The following STUM variants were observed in gnomAD, a reference collection of about 807,000 sequenced individuals.
STUM encodes protein stum homolog.
In STUM, 8 loss-of-function variants were observed where a neutral mutation model predicts 15.3. That is an observed-to-expected ratio of 0.52 (90% CI 0.31 to 0.94). The LOEUF is 0.94. Ranked by LOEUF, STUM falls within the 40% of genes least tolerant of loss-of-function variation. The pLI is 0.05. For missense variants in STUM, 142 were observed against 204.9 expected, an observed-to-expected ratio of 0.69 and a Z score of 1.87; for synonymous variants, 78 against 88.7, an observed-to-expected ratio of 0.88 and a Z score of 0.68.
rs2102718723 is a variant in STUM, at chr1:226,606,026, G to A, written c.*3986G>A. 6.6e-6 allele frequency: 1 copy of A among 152,340 alleles called. No homozygotes were observed. The highest frequency in any genetic ancestry group is 1.9e-4 in the East Asian group (1 of 5,180). 9.4% of individuals were successfully genotyped at this position (152,340 alleles called of 1,614,324 possible). A position where few individuals can be genotyped will look rare whatever the true frequency, so the allele number is the denominator to read the frequency against. The stretch of plus-strand genomic sequence containing the variant: ...GCAGTAAGGAGGATGCTACAGAAAG[G>A]AACTGCAGAAAGAAAAAAAGCCACA... On this transcript the variant is annotated 3_prime_UTR_variant, in exon 4 of 4. Coordinates refer to ENST00000366788, the MANE Select transcript of STUM (RefSeq NM_001003665.4).
At chr1:226,572,624 C>T (rs1021932590) in intron 1 of STUM, among the ~76,000 whole-genome samples, 6 of 152,176 alleles carry the variant, frequency 3.9e-5, no homozygotes, top group Non-Finnish European at 7.4e-5. Context: ...CTGAGTTCCC[C>T]AAGTCCCTGA....
chr1:226,561,102 C>T (rs926216838), intron 1 of STUM, among the ~76,000 whole-genome samples: 2 of 152,196 alleles, frequency 1.3e-5, no homozygotes, highest in Admixed American at 6.5e-5. Context: ...GAGGTGGGCT[C>T]TTCCTTCCTC....
In STUM at chr1:226,600,073, A is replaced by G. The variant is rs1426595748; in HGVS notation, c.383-593A>G. On this transcript the variant is annotated intron_variant, in intron 2 of 3. Coordinates refer to ENST00000366788, the MANE Select transcript of STUM (RefSeq NM_001003665.4). The surrounding 1 kb of genome is among the most constrained non-coding windows in gnomAD (Gnocchi z 5.2). ...TTTAGATTGCTGTAGTCAAAGCTCT[A>G]GCTGTCCAGGAGCTGCCACTCCTCA... is the stretch of plus-strand genomic sequence containing the variant. Among the ~76,000 whole-genome samples, 1 of 152,182 alleles carries G rather than the reference A, an allele frequency of 6.6e-6. No individual in the cohort carries two copies. The highest frequency in any genetic ancestry group is 1.5e-5 in the Non-Finnish European group (1 of 68,042).
At chr1:226,568,270 C>T (rs7525939) in intron 1 of STUM, among the ~76,000 whole-genome samples, 27,616 of 152,018 alleles carry the variant, frequency 0.18, 3,652 homozygotes, top group African/African-American at 0.38. Flanking sequence ...AGTGAGGTTT[C>T]GGTGGGCCTC....
At chr1:226,583,502 C>T (rs1571807089) in intron 1 of STUM, among the ~76,000 whole-genome samples, 1 of 152,148 alleles carries the variant, frequency 6.6e-6, no homozygotes, top group South Asian at 2.1e-4. Context: ...TTTTGCTAGA[C>T]AAGCAAGCAC....
chr1:226,577,499 TCACACA>T (rs60225649), intron 1 of STUM, among the ~76,000 whole-genome samples: 193 of 150,940 alleles, frequency 1.3e-3, no homozygotes, highest in South Asian at 0.011. Flanking sequence ...AAACAGTTTC[TCACACA>T]CACACACACA....
At chr1:226,553,120 A>G (rs1412473905) in intron 1 of STUM, among the ~76,000 whole-genome samples, 2 of 152,256 alleles carry the variant, frequency 1.3e-5, no homozygotes, top group Non-Finnish European at 2.9e-5. Flanking sequence ...AAACCAAGAA[A>G]GGAGATATGA....
In STUM at chr1:226,550,530, G is replaced by A. The variant is rs139524126; in HGVS notation, c.202+1424G>A. Among the ~76,000 whole-genome samples, 300 of 151,914 alleles carry A rather than the reference G, an allele frequency of 2.0e-3. 2 individuals carry two copies. The highest frequency in any genetic ancestry group is 6.9e-3 in the African/African-American group (284 of 41,422). ...ATTCTCACCTGCTGGAGTAAAAAGA[G>A]ACTGCCTGCCCCTCCCTCTGGCGGA... On this transcript the variant is annotated intron_variant, in intron 1 of 3. Transcript: ENST00000366788.
At chr1:226,574,233 G>A (rs1440216838) in intron 1 of STUM, among the ~76,000 whole-genome samples, 1 of 152,156 alleles carries the variant, frequency 6.6e-6, no homozygotes, top group African/African-American at 2.4e-5. Flanking sequence ...TTTGACCTCT[G>A]TCTGCTGATT....
rs1668342005 is a variant in STUM, at chr1:226,605,485, C to T, written c.*3445C>T. 1 of 152,238 alleles carries T rather than the reference C, an allele frequency of 6.6e-6. No homozygotes were observed. The highest frequency in any genetic ancestry group is 2.1e-4 in the South Asian group (1 of 4,840). The allele number at this position is 152,238 out of a possible 1,614,324, so 9.4% of individuals were successfully genotyped here. Reference sequence around the variant, plus strand: ...CCAGAGCAGGTCCTGTGGAGGGGTCCTCACCCCTCAGGAGTAATAGGGTGA... The same window carrying T: ...CCAGAGCAGGTCCTGTGGAGGGGTCTTCACCCCTCAGGAGTAATAGGGTGA... On this transcript the variant is annotated 3_prime_UTR_variant, in exon 4 of 4. Transcript: ENST00000366788. This position sits in a 1 kb window ranked among gnomAD's most constrained non-coding sequence, Gnocchi z 4.0.
intron 1 of STUM, among the ~76,000 whole-genome samples, chr1:226,551,182 T>G (rs1280000318): frequency 6.6e-6 from 1 of 152,088 alleles, no homozygotes; most frequent in Non-Finnish European, 1.5e-5. Flanking sequence ...TGGTGGTGGT[T>G]CTCATCTGTA....
intron 1 of STUM, among the ~76,000 whole-genome samples, chr1:226,555,976 A>G (rs1389757550): frequency 6.6e-6 from 1 of 152,240 alleles, no homozygotes; most frequent in Non-Finnish European, 1.5e-5. Context: ...TTATCAACAT[A>G]TAATCAATAT....
intron 1 of STUM, among the ~76,000 whole-genome samples, chr1:226,585,228 AG>A (rs545467258): frequency 9.0e-4 from 137 of 152,352 alleles, no homozygotes; most frequent in African/African-American, 3.2e-3. Context: ...ACGTGAGAGC[AG>A]GATTCATTGA....
At chr1:226,564,247 TGA>T (rs1667585766) in intron 1 of STUM, among the ~76,000 whole-genome samples, 1 of 152,172 alleles carries the variant, frequency 6.6e-6, no homozygotes, top group Admixed American at 6.5e-5. Context: ...TCTCTCTGTG[TGA>T]GTTTCCCTGA....
At chr1:226,587,785 C>T (rs1668019988) in intron 1 of STUM, among the ~76,000 whole-genome samples, 1 of 152,110 alleles carries the variant, frequency 6.6e-6, no homozygotes, top group Non-Finnish European at 1.5e-5. Context: ...TCCATGAAAC[C>T]CATGCATGGA....
intron 1 of STUM, among the ~76,000 whole-genome samples, chr1:226,558,079 A>G (rs908684339): frequency 1.3e-5 from 2 of 152,240 alleles, no homozygotes; most frequent in Non-Finnish European, 2.9e-5. Flanking sequence ...CTGGAACAGG[A>G]CAAGGATGCC....
Position 226,549,231 on chromosome 1 carries a change from C to T in STUM, c.202+125C>T. 1.3e-6 allele frequency: 1 copy of T among 788,988 alleles called. No homozygotes were observed. The highest frequency in any genetic ancestry group is 1.9e-6 in the Non-Finnish European group (1 of 518,148). 48.9% of individuals were successfully genotyped at this position (788,988 alleles called of 1,614,324 possible). ...CGCTCCAAGTGCTGCGACCACGCGCCACCGCCCGCTCCTGGCGTCCCCGGG... is the reference window on the plus strand; with the variant it reads ...CGCTCCAAGTGCTGCGACCACGCGCTACCGCCCGCTCCTGGCGTCCCCGGG... On this transcript the variant is annotated intron_variant, in intron 1 of 3. Coordinates refer to ENST00000366788, the MANE Select transcript of STUM (RefSeq NM_001003665.4). This position sits in a 1 kb window ranked among gnomAD's most constrained non-coding sequence, Gnocchi z 6.8.
chr1:226,560,910 G>T (rs1000951631), intron 1 of STUM, among the ~76,000 whole-genome samples: 1 of 152,158 alleles, frequency 6.6e-6, no homozygotes, highest in Non-Finnish European at 1.5e-5. Flanking sequence ...ACCCACGAGG[G>T]TCCAGCGAGC....
chr1:226,548,934 G>GGCT lies in STUM; in HGVS notation c.32_33insTGC (p.Ala16dup). On this transcript the variant is annotated inframe_insertion, in exon 1 of 4. Coordinates refer to ENST00000366788, the MANE Select transcript of STUM (RefSeq NM_001003665.4). ...AGCCCTCGCACAAAGACGCCGAGACGGCGGCGGCGGCGGCGGCGGTGGCGG... is the reference window on the plus strand; with the variant it reads ...AGCCCTCGCACAAAGACGCCGAGACGGCTGCGGCGGCGGCGGCGGCGGTGGCGG... 1 of 1,396,608 alleles carries GGCT rather than the reference G, an allele frequency of 7.2e-7. No individual in the cohort carries two copies. The highest frequency in any genetic ancestry group is 9.3e-7 in the Non-Finnish European group (1 of 1,075,174). The allele number at this position is 1,396,608 out of a possible 1,614,324, so 86.5% of individuals were successfully genotyped here.
Sources: gnomAD v4.1 joint callset for allele counts (sites outside exome capture counted in the v4.1 genomes callset) on GRCh38, gnomAD v4.1.1 for gene constraint, Gnocchi (gnomAD v3.1) non-coding constraint, MANE v1.5 for transcripts, NCBI Gene and HGNC (gene_info 2026-07-23, HGNC 2026-07-21) for gene names.